SPRED1: variants seen among roughly 807,000 people sequenced by gnomAD.
The protein encoded by SPRED1 is sprouty-related, EVH1 domain-containing protein 1.
Under a neutral mutation model 52.3 loss-of-function variants are expected in SPRED1, and 18 were observed. The ratio of observed to expected loss-of-function variants is 0.34; its 90% CI spans 0.24 to 0.51. The LOEUF (loss-of-function observed/expected upper bound fraction) is 0.51. Ranked by LOEUF, SPRED1 falls within the 20% of genes least tolerant of loss-of-function variation. The pLI is 0.97. For missense variants in SPRED1, 485 were observed against 551.0 expected (o/e 0.88, Z 1.20); for synonymous variants, 155 against 179.7 (o/e 0.86, Z 1.10).
chr15:38,286,700 A>G (rs928749019), intron 1 of SPRED1, among the ~76,000 whole-genome samples: 4 of 152,172 alleles, frequency 2.6e-5, no homozygotes, highest in African/African-American at 9.6e-5. Flanking sequence ...GAAGTATCTC[A>G]TACTGCTTTA....
chr15:38,307,690 A>G (rs1477311917), intron 2 of SPRED1, among the ~76,000 whole-genome samples: 2 of 152,142 alleles, frequency 1.3e-5, no homozygotes, highest in Non-Finnish European at 2.9e-5. Context: ...GTTGAGTAGT[A>G]TTCTATGATA....
At chr15:38,306,384 G>A (rs984325983) in intron 2 of SPRED1, among the ~76,000 whole-genome samples, 14 of 152,120 alleles carry the variant, frequency 9.2e-5, no homozygotes, top group African/African-American at 2.4e-4. Flanking sequence ...GGCAGGAAAC[G>A]GTTTCCTTTT....
intron 1 of SPRED1, among the ~76,000 whole-genome samples, chr15:38,277,007 G>A (rs1432375011): frequency 6.6e-6 from 1 of 152,078 alleles, no homozygotes; most frequent in Non-Finnish European, 1.5e-5. Context: ...TCTTTTCTGG[G>A]TCATCATGAT....
chr15:38,314,865 C>A (rs948834088), intron 2 of SPRED1, among the ~76,000 whole-genome samples: 6 of 151,766 alleles, frequency 4.0e-5, no homozygotes, highest in African/African-American at 9.7e-5. Context: ...TTTTCTCCCT[C>A]CTTCCCTTCC....
intron 2 of SPRED1, among the ~76,000 whole-genome samples, chr15:38,310,405 T>A (rs1238387556): frequency 1.3e-5 from 2 of 152,164 alleles, no homozygotes; most frequent in Non-Finnish European, 2.9e-5. Flanking sequence ...CCTCCCAAAG[T>A]GCTGGGATTA....
intron 2 of SPRED1, among the ~76,000 whole-genome samples, chr15:38,316,438 CA>C (rs1436949885): frequency 1.3e-5 from 2 of 152,070 alleles, no homozygotes; most frequent in East Asian, 1.9e-4. Context: ...TCTGTGGTTC[CA>C]AAAATATTTA....
chr15:38,264,958 G>A (rs535615993), intron 1 of SPRED1, among the ~76,000 whole-genome samples: 155 of 152,264 alleles, frequency 1.0e-3, no homozygotes, highest in African/African-American at 3.4e-3. Context: ...AGAACTTTAC[G>A]TTTTTATGAG....
At chr15:38,298,938 G>A (rs1895094738) in intron 1 of SPRED1, among the ~76,000 whole-genome samples, 1 of 152,156 alleles carries the variant, frequency 6.6e-6, no homozygotes, top group Admixed American at 6.5e-5. Context: ...GGAACTGTTA[G>A]GGACTTCTAG....
chr15:38,263,500 AAGAAG>A (rs1417309378), intron 1 of SPRED1, among the ~76,000 whole-genome samples: 1 of 152,218 alleles, frequency 6.6e-6, no homozygotes, highest in South Asian at 2.1e-4. Flanking sequence ...GAGTAGAAGA[AAGAAG>A]AGACGCCAAA....
At chr15:38,282,227 C>T (rs539194835) in intron 1 of SPRED1, among the ~76,000 whole-genome samples, 32 of 152,188 alleles carry the variant, frequency 2.1e-4, no homozygotes, top group African/African-American at 7.7e-4. Flanking sequence ...GTAATCCCAG[C>T]ACTTTGGGAG....
At chr15:38,285,820 C>T (rs145545454) in intron 1 of SPRED1, among the ~76,000 whole-genome samples, 1 of 152,282 alleles carries the variant, frequency 6.6e-6, no homozygotes, top group Non-Finnish European at 1.5e-5. Context: ...AATAGCCCAT[C>T]GGTATTTTAA....
chr15:38,258,196 CAT>C (rs1375983020), intron 1 of SPRED1, among the ~76,000 whole-genome samples: 1 of 152,068 alleles, frequency 6.6e-6, no homozygotes, highest in Non-Finnish European at 1.5e-5. Flanking sequence ...GGTGATGAAA[CAT>C]ATTCATTTAT....
intron 1 of SPRED1, among the ~76,000 whole-genome samples, chr15:38,291,080 T>C (rs1566857031): frequency 6.6e-6 from 1 of 152,096 alleles, no homozygotes; most frequent in Non-Finnish European, 1.5e-5. Flanking sequence ...CTAGATACAA[T>C]GGAGATACAG....
intron 1 of SPRED1, among the ~76,000 whole-genome samples, chr15:38,293,336 G>T (rs1158533316): frequency 6.6e-6 from 1 of 151,918 alleles, no homozygotes; most frequent in East Asian, 1.9e-4. Context: ...TTGACCTCGT[G>T]ATCCACCTGC....
chr15:38,337,450 T>A (rs1387746835), intron 4 of SPRED1, among the ~76,000 whole-genome samples: 1 of 152,194 alleles, frequency 6.6e-6, no homozygotes, highest in Admixed American at 6.5e-5. Flanking sequence ...GAGACCCGTT[T>A]AGGTGTGTAG....
chr15:38,301,320 T>G (rs1448576972), intron 2 of SPRED1, among the ~76,000 whole-genome samples: 2 of 152,162 alleles, frequency 1.3e-5, no homozygotes, highest in African/African-American at 4.8e-5. Flanking sequence ...CAAGAGCACT[T>G]ACCCTAGTCC....
intron 1 of SPRED1, among the ~76,000 whole-genome samples, chr15:38,277,787 G>T (rs1485214844): frequency 6.6e-6 from 1 of 151,994 alleles, no homozygotes; most frequent in Non-Finnish European, 1.5e-5. Flanking sequence ...GTTATTTTTT[G>T]ACTTTTTAAG....
intron 2 of SPRED1, among the ~76,000 whole-genome samples, chr15:38,302,415 TA>T (rs1460504918): frequency 4.6e-5 from 7 of 152,272 alleles, no homozygotes; most frequent in Middle Eastern, 3.4e-3. Context: ...TACTTTATTT[TA>T]TTTTTTTAAG....
At chr15:38,292,660 C>T (rs1020347108) in intron 1 of SPRED1, among the ~76,000 whole-genome samples, 6 of 152,260 alleles carry the variant, frequency 3.9e-5, no homozygotes, top group African/African-American at 9.6e-5. Context: ...CAGGAAAGAC[C>T]GGCCCCCATG....
Sources: gnomAD v4.1 joint callset for allele counts (sites outside exome capture counted in the v4.1 genomes callset) on GRCh38, gnomAD v4.1.1 for gene constraint, MANE v1.5 for transcripts, NCBI Gene and HGNC (gene_info 2026-07-23, HGNC 2026-07-21) for gene names.